Variants in NFE2L3 observed in about 807,000 individuals in gnomAD.
NFE2L3 encodes the protein nuclear factor erythroid 2-related factor 3.
A neutral mutation model predicts 23.5 loss-of-function variants in NFE2L3; 18 were observed. The observed-to-expected ratio is 0.77, with a 90% confidence interval of 0.53 to 1.13. The LOEUF is 1.13. Ranked by LOEUF, NFE2L3 falls within the 50% of genes most tolerant of loss-of-function variation. The pLI is 0.00. For synonymous variants in NFE2L3, 424 were observed against 354.5 expected (o/e 1.20, Z -2.20); for missense variants, 1,152 against 877.2 (o/e 1.31, Z -3.96).
Position 26,161,356 on chromosome 7 carries a change from TTTTTTTTTG to T in NFE2L3, c.570+8289_570+8297del, listed in dbSNP as rs1335797148. 3.6e-3 allele frequency among the ~76,000 whole-genome samples: 377 copies of T among 105,642 alleles called. 8 individuals carry two copies. The highest frequency in any genetic ancestry group is 0.016 in the African/African-American group (361 of 22,784). 69.3% of individuals were successfully genotyped at this position (105,642 alleles called of 152,430 possible). A position where few individuals can be genotyped will look rare whatever the true frequency, so the allele number is the denominator to read the frequency against. ...CTCTCTTTTTTTTTTTTTTTTTTTT[TTTTTTTTTG>T]GGTCTTACCTTTCTTTAGAGTTTCT... On this transcript the variant is annotated intron_variant, in intron 1 of 3. Coordinates refer to ENST00000056233, the MANE Select transcript of NFE2L3 (RefSeq NM_004289.7).
chr7:26,185,140 GTGATTC>G lies in NFE2L3; in HGVS notation c.1448_1453del (p.Ser483_Asp484del). The G allele has an allele frequency of 6.2e-7, 1 of 1,613,870 alleles. No homozygotes were observed. On this transcript the variant is annotated inframe_deletion, in exon 4 of 4. Transcript: ENST00000056233. Reference sequence around the variant, plus strand: ...AGTAAGCTTTGTCACTTGGATCAAAGTGATTCTGATTTCCATGGAGATCTTACATTT... The same window carrying G: ...AGTAAGCTTTGTCACTTGGATCAAAGTGATTTCCATGGAGATCTTACATTT...
At chr7:26,163,841 G>A (rs1314050069) in intron 1 of NFE2L3, among the ~76,000 whole-genome samples, 2 of 151,056 alleles carry the variant, frequency 1.3e-5, no homozygotes, top group Non-Finnish European at 2.9e-5. Context: ...AGTGTGTGAT[G>A]TTCCCCTTCC....
Position 26,152,589 on chromosome 7 carries a change from G to C in NFE2L3, c.91G>C (p.Asp31His). 6.5e-7 allele frequency: 1 copy of C among 1,548,184 alleles called. No individual in the cohort carries two copies. Among genetic ancestry groups the C allele is most frequent in the Admixed American group, 1.9e-5 (1 of 53,452 alleles). ...CTTGGCGGGGCTCCGCGTAGACCTA[G>C]ATCTTTACCTGCTGCTGCCGCCGCC... ...LSLAGLRVDL[D>H]LYLLLPPPTL... The change falls in exon 1 of 4, where the codon GAT becomes CAT. Residue 31 changes from aspartate (D) to histidine (H), a missense_variant. By Grantham distance (81) the Asp-to-His change is moderately conservative. Coordinates refer to ENST00000056233, the MANE Select transcript of NFE2L3 (RefSeq NM_004289.7). This position sits in a 1 kb window ranked among gnomAD's most constrained non-coding sequence, Gnocchi z 4.4.
At chr7:26,168,241 A>C (rs994231204) in intron 1 of NFE2L3, among the ~76,000 whole-genome samples, 1 of 150,690 alleles carries the variant, frequency 6.6e-6, no homozygotes, top group Non-Finnish European at 1.5e-5. Flanking sequence ...GGTTCAAGTG[A>C]TTTTCCTGCC....
chr7:26,170,684 A>G (rs1306384256), intron 1 of NFE2L3, among the ~76,000 whole-genome samples: 1 of 152,234 alleles, frequency 6.6e-6, no homozygotes, highest in Non-Finnish European at 1.5e-5. Context: ...TATTCCAAGT[A>G]TCAGGAATTC....
chr7:26,182,316 G>T (rs1400377400), intron 2 of NFE2L3, among the ~76,000 whole-genome samples: 3 of 130,902 alleles, frequency 2.3e-5, no homozygotes, highest in African/African-American at 1.1e-4. Context: ...CATCATTTAA[G>T]CATGAAGGCA....
At chr7:26,167,576 C>G (rs994651093) in intron 1 of NFE2L3, among the ~76,000 whole-genome samples, 1 of 151,972 alleles carries the variant, frequency 6.6e-6, no homozygotes, top group East Asian at 1.9e-4. Flanking sequence ...AAGTCACCTG[C>G]TCACAAATAA....
intron 1 of NFE2L3, among the ~76,000 whole-genome samples, chr7:26,172,167 A>C (rs995279464): frequency 6.6e-6 from 1 of 152,282 alleles, no homozygotes; most frequent in Admixed American, 6.5e-5. Flanking sequence ...TGGGGGCAAA[A>C]CACAAATAAA....
intron 2 of NFE2L3, among the ~76,000 whole-genome samples, chr7:26,181,186 A>C (rs902152925): frequency 1.3e-5 from 2 of 152,152 alleles, no homozygotes; most frequent in Non-Finnish European, 2.9e-5. Flanking sequence ...CATGTTGCTC[A>C]GGCTGGTCTC....
In NFE2L3 at chr7:26,186,047, A is replaced by G. The variant is rs1782477677; in HGVS notation, c.*264A>G. 3.4e-6 allele frequency: 1 copy of G among 291,358 alleles called. No homozygotes were observed. The highest frequency in any genetic ancestry group is 6.3e-6 in the Non-Finnish European group (1 of 158,018). The allele number at this position is 291,358 out of a possible 1,614,324, so 18.0% of individuals were successfully genotyped here. A position where few individuals can be genotyped will look rare whatever the true frequency, so the allele number is the denominator to read the frequency against. ...AGTTATGTCCAAAGAATAGGTTAACATGAAAACCCAGTAAGACTTTCCATC... is the reference window on the plus strand; with the variant it reads ...AGTTATGTCCAAAGAATAGGTTAACGTGAAAACCCAGTAAGACTTTCCATC... On this transcript the variant is annotated 3_prime_UTR_variant, in exon 4 of 4. Coordinates refer to ENST00000056233, the MANE Select transcript of NFE2L3 (RefSeq NM_004289.7).
chr7:26,170,546 T>C (rs931220740), intron 1 of NFE2L3, among the ~76,000 whole-genome samples: 3 of 152,144 alleles, frequency 2.0e-5, no homozygotes, highest in African/African-American at 7.2e-5. Flanking sequence ...GCAGTGTAGG[T>C]TGGAACAGCC....
At position 26,187,117 on chromosome 7, in the gene NFE2L3, G is replaced by A. The variant is rs943112427; in HGVS notation, c.*1334G>A. On this transcript the variant is annotated 3_prime_UTR_variant, in exon 4 of 4. Coordinates refer to ENST00000056233, the MANE Select transcript of NFE2L3 (RefSeq NM_004289.7). ...GGATTTTTATAATAAAGTTTCCCAA[G>A]ACCTGTTATTTTGCCAGAAATGCTT... 3 of 152,150 alleles carry A rather than the reference G, an allele frequency of 2.0e-5. No individual in the cohort carries two copies. Among genetic ancestry groups the A allele is most frequent in the Non-Finnish European group, 2.9e-5 (2 of 68,030 alleles). 9.4% of individuals were successfully genotyped at this position (152,150 alleles called of 1,614,324 possible).
At position 26,184,395 on chromosome 7, in the gene NFE2L3, G is replaced by A. The variant is rs530715600; in HGVS notation, c.835-138G>A. On this transcript the variant is annotated intron_variant, in intron 3 of 3. Transcript: ENST00000056233. ...GTATTGTATTGCCTGTATTTAACTA[G>A]GAAGTTACTGCCAACAGCATCTATC... The A allele has an allele frequency of 6.4e-5, 47 of 734,126 alleles. No individual in the cohort carries two copies. In the Admixed American group the frequency reaches 8.3e-4, roughly 13 times the overall value. 45.5% of individuals were successfully genotyped at this position (734,126 alleles called of 1,614,324 possible).
At chr7:26,167,966 T>C (rs1784275941) in intron 1 of NFE2L3, among the ~76,000 whole-genome samples, 1 of 152,068 alleles carries the variant, frequency 6.6e-6, no homozygotes, top group South Asian at 2.1e-4. Flanking sequence ...TCCAAACAGG[T>C]GGTGTGTGGT....
chr7:26,183,561 T>C, intron 2 of NFE2L3, 140 bp from the exon 3 acceptor site: 2 of 613,656 alleles, frequency 3.3e-6, no homozygotes, highest in East Asian at 5.5e-5. Context: ...TAATAAAAAG[T>C]AGAACTTCCA....
intron 1 of NFE2L3, among the ~76,000 whole-genome samples, chr7:26,157,673 G>A (rs1784103479): frequency 6.6e-6 from 1 of 152,096 alleles, no homozygotes; most frequent in East Asian, 1.9e-4. Context: ...TTTTCATTTT[G>A]TTTACTAAAG....
At chr7:26,184,447 AAGAGGGGAAAGAAAGTTGT>A (rs1782427479) in intron 3 of NFE2L3, 67 bp from the exon 4 acceptor site, 1 of 1,251,620 alleles carries the variant, frequency 8.0e-7, no homozygotes, top group African/African-American at 1.5e-5. Flanking sequence ...GAATTGACAA[AAGAGGGGAAAGAAAGTTGT>A]TAGGTAATAG....
intron 1 of NFE2L3, among the ~76,000 whole-genome samples, chr7:26,154,998 T>C (rs1232717916): frequency 7.2e-5 from 11 of 152,198 alleles, no homozygotes; most frequent in Admixed American, 7.2e-4. Context: ...GTGTGCACCA[T>C]GTTCACTGCT....
At chr7:26,163,535 CG>C (rs1784203093) in intron 1 of NFE2L3, among the ~76,000 whole-genome samples, 1 of 152,046 alleles carries the variant, frequency 6.6e-6, no homozygotes, top group South Asian at 2.1e-4. Context: ...TTAGTAGAGA[CG>C]GGATTTCACC....
Sources: gnomAD v4.1 joint callset for allele counts (sites outside exome capture counted in the v4.1 genomes callset) on GRCh38, gnomAD v4.1.1 for gene constraint, Gnocchi (gnomAD v3.1) non-coding constraint, MANE v1.5 for transcripts, NCBI Gene and HGNC (gene_info 2026-07-23, HGNC 2026-07-21) for gene names.